Variants in PRR5L observed in about 807,000 individuals in gnomAD.
PRR5L encodes proline rich 5 like, also known as proline-rich protein 5-like.
A neutral mutation model predicts 36.4 loss-of-function variants in PRR5L; 21 were observed. The ratio of observed to expected loss-of-function variants is 0.58; its 90% CI spans 0.41 to 0.83. PRR5L has a LOEUF of 0.83. Ranked by LOEUF, PRR5L falls within the 40% of genes least tolerant of loss-of-function variation. The probability of loss-of-function intolerance (pLI) is 0.00; values close to 1 mark genes in which losing one functional copy is unlikely to be tolerated. For missense variants in PRR5L, 381 were observed against 473.3 expected, an observed-to-expected ratio of 0.80 and a Z score of 1.81; for synonymous variants, 188 against 197.0, an observed-to-expected ratio of 0.95 and a Z score of 0.38.
At chr11:36,381,264 G>T (rs1275624751) in intron 1 of PRR5L, among the ~76,000 whole-genome samples, 1 of 152,170 alleles carries the variant, frequency 6.6e-6, no homozygotes, top group Admixed American at 6.5e-5. Context: ...GACACAGGAT[G>T]TGTCCTGTAT....
intron 8 of PRR5L, among the ~76,000 whole-genome samples, chr11:36,455,959 T>G (rs1171994271): frequency 6.6e-6 from 1 of 152,144 alleles, no homozygotes; most frequent in Non-Finnish European, 1.5e-5. Context: ...ATGAAAACAT[T>G]CCACCCAGAA....
rs1386385193 is a variant in PRR5L at position 36,351,674 on chromosome 11, C to CTTATATATTTATATAT, written c.-125-49302_-125-49287dup. On this transcript the variant is annotated intron_variant, in intron 1 of 8. Transcript: ENST00000530639. ...ATTTATATAAATATATATTTATATA[C>CTTATATATTTATATAT]TTATATATTTATATATTTATATATT... Among the ~76,000 whole-genome samples the CTTATATATTTATATAT allele has an allele frequency of 2.6e-4, 6 of 23,016 alleles. 2 individuals carry two copies. Among genetic ancestry groups the CTTATATATTTATATAT allele is most frequent in the South Asian group, 2.3e-3 (1 of 426 alleles). The allele number at this position is 23,016 out of a possible 152,430, so 15.1% of individuals were successfully genotyped here.
chr11:36,392,879 T>A (rs892468169), intron 1 of PRR5L, among the ~76,000 whole-genome samples: 1 of 152,214 alleles, frequency 6.6e-6, no homozygotes, highest in African/African-American at 2.4e-5. Flanking sequence ...ACATGGGGAT[T>A]ATAATTCAAC....
intron 4 of PRR5L, among the ~76,000 whole-genome samples, chr11:36,424,953 T>C (rs1858349999): frequency 6.6e-6 from 1 of 152,070 alleles, no homozygotes; most frequent in African/African-American, 2.4e-5. Context: ...TCCTGAGTAG[T>C]TGGGATTACA....
At position 36,458,133 on chromosome 11, in the gene PRR5L, CTT is replaced by C. The variant is rs371773072; in HGVS notation, c.713-4208_713-4207del. Among the ~76,000 whole-genome samples the C allele has an allele frequency of 3.0e-4, 46 of 152,368 alleles. No individual in the cohort carries two copies. The East Asian group carries it at 7.9e-3, about 26-fold the overall frequency. ...TTGGTTGCTCCTTGGCGTTTTGTCTCTTATCTCCAAAGAGGGGCGCCAGTGTC... is the reference window on the plus strand; with the variant it reads ...TTGGTTGCTCCTTGGCGTTTTGTCTCATCTCCAAAGAGGGGCGCCAGTGTC... On this transcript the variant is annotated intron_variant, in intron 8 of 8. Transcript: ENST00000530639.
At chr11:36,348,328 T>C (rs189228321) in intron 1 of PRR5L, among the ~76,000 whole-genome samples, 1 of 152,212 alleles carries the variant, frequency 6.6e-6, no homozygotes, top group East Asian at 1.9e-4. Context: ...ATAAGGCAGA[T>C]GAGGTATGAA....
Position 36,413,700 on chromosome 11 carries a change from T to TTTTTA in PRR5L, c.246-5532_246-5528dup, listed in dbSNP as rs533226403. ...TATACTTTATTTTATTTATTTCTAT[T>TTTTTA]TTTTATTTTATTTTATTTTATTTTA... On this transcript the variant is annotated intron_variant, in intron 3 of 8. Coordinates refer to ENST00000530639, the MANE Select transcript of PRR5L (RefSeq NM_001160167.2). 6.7e-3 allele frequency among the ~76,000 whole-genome samples: 1,018 copies of TTTTTA among 150,928 alleles called. 9 individuals are homozygous for TTTTTA. The highest frequency in any genetic ancestry group is 0.021 in the African/African-American group (859 of 41,036).
At chr11:36,458,905 A>G (rs1451586668) in intron 8 of PRR5L, among the ~76,000 whole-genome samples, 1 of 152,176 alleles carries the variant, frequency 6.6e-6, no homozygotes, top group Non-Finnish European at 1.5e-5. Flanking sequence ...GGCAGAGGGA[A>G]CACCTTTCTC....
In PRR5L at chr11:36,322,883, C is replaced by T. The variant is rs373004646; in HGVS notation, c.-126+26445C>T. Among the ~76,000 whole-genome samples the T allele has an allele frequency of 1.7e-3, 256 of 152,148 alleles. 1 individual carries two copies. The highest frequency in any genetic ancestry group is 0.012 in the South Asian group (58 of 4,812). Reference sequence around the variant, plus strand: ...GCACAGGGACCGAGGAGGAAAATGTCGTGGGAGGTTGGAAGCAGAAACTCA... The same window carrying T: ...GCACAGGGACCGAGGAGGAAAATGTTGTGGGAGGTTGGAAGCAGAAACTCA... On this transcript the variant is annotated intron_variant, in intron 1 of 8. Transcript: ENST00000530639.
chr11:36,448,862 T>C (rs899149483), intron 7 of PRR5L, among the ~76,000 whole-genome samples: 2 of 150,398 alleles, frequency 1.3e-5, no homozygotes, highest in Non-Finnish European at 2.9e-5. Flanking sequence ...TTTCTCAAGG[T>C]CTTGTACTCA....
At chr11:36,345,126 C>T (rs946617844) in intron 1 of PRR5L, among the ~76,000 whole-genome samples, 1 of 151,926 alleles carries the variant, frequency 6.6e-6, no homozygotes, top group Non-Finnish European at 1.5e-5. Context: ...GGTGTTGGCC[C>T]GTGGGACTGA....
At position 36,358,258 on chromosome 11, in the gene PRR5L, G is replaced by A. The variant is rs539439081; in HGVS notation, c.-125-42739G>A. 2.6e-5 allele frequency among the ~76,000 whole-genome samples: 4 copies of A among 152,234 alleles called. No individual in the cohort carries two copies. In the South Asian group the frequency reaches 8.3e-4, roughly 32 times the overall value. On this transcript the variant is annotated intron_variant, in intron 1 of 8. Coordinates refer to ENST00000530639, the MANE Select transcript of PRR5L (RefSeq NM_001160167.2). ...GGTAAAATGCTATCAGCTATCTCTT[G>A]TGAAAGGAAGAGTTTTTTGTGAATG...
At chr11:36,348,116 G>A (rs1856885861) in intron 1 of PRR5L, among the ~76,000 whole-genome samples, 2 of 152,112 alleles carry the variant, frequency 1.3e-5, no homozygotes, top group African/African-American at 4.8e-5. Flanking sequence ...TATTGTGGTC[G>A]TTACTCTAAC....
intron 1 of PRR5L, among the ~76,000 whole-genome samples, chr11:36,397,123 A>T (rs1307273550): frequency 3.0e-4 from 44 of 144,848 alleles, no homozygotes; most frequent in African/African-American, 1.1e-3. Flanking sequence ...GCTGGAGTGC[A>T]GTGGCACGAT....
At chr11:36,425,001 T>C (rs557086939) in intron 4 of PRR5L, among the ~76,000 whole-genome samples, 1 of 152,334 alleles carries the variant, frequency 6.6e-6, no homozygotes, top group East Asian at 1.9e-4. Flanking sequence ...TTTGTAATTT[T>C]AGTAGAGACA....
intron 1 of PRR5L, among the ~76,000 whole-genome samples, chr11:36,310,338 GATCCT>G (rs1256126918): frequency 6.6e-6 from 1 of 152,112 alleles, no homozygotes; most frequent in Admixed American, 6.5e-5. Flanking sequence ...TCACTCCCCT[GATCCT>G]TAGGAGCTGT....
In PRR5L at chr11:36,377,751, T is replaced by C. The variant is rs1050638288; in HGVS notation, c.-125-23246T>C. ...TGAGTATTTATAGACGCCACGGCAG[T>C]CCTGCGGTGCGCAAGGTTTCAATTA... On this transcript the variant is annotated intron_variant, in intron 1 of 8. Coordinates refer to ENST00000530639, the MANE Select transcript of PRR5L (RefSeq NM_001160167.2). The surrounding 1 kb of genome is among the most constrained non-coding windows in gnomAD (Gnocchi z 5.1). 2 of 152,246 alleles carry C rather than the reference T, an allele frequency of 1.3e-5. No individual in the cohort carries two copies. The highest frequency in any genetic ancestry group is 2.9e-5 in the Non-Finnish European group (2 of 68,064). 9.4% of individuals were successfully genotyped at this position (152,246 alleles called of 1,614,324 possible). A position where few individuals can be genotyped will look rare whatever the true frequency, so the allele number is the denominator to read the frequency against.
In PRR5L at chr11:36,376,529, G is replaced by A. The variant is rs1270092324; in HGVS notation, c.-125-24468G>A. 7.8e-6 allele frequency: 8 copies of A among 1,029,278 alleles called. No individual in the cohort carries two copies. In the South Asian group the frequency reaches 2.3e-4, roughly 30 times the overall value. The allele number at this position is 1,029,278 out of a possible 1,614,324, so 63.8% of individuals were successfully genotyped here. The stretch of plus-strand genomic sequence containing the variant: ...CTGGGGGAGGAGGGAGGGACGGAGG[G>A]AGGGAGAGCTGGGCAGAGCGCGACG... On this transcript the variant is annotated intron_variant, in intron 1 of 8. Transcript: ENST00000530639.
chr11:36,376,414 G>T, intron 1 of PRR5L: 1 of 1,148,934 alleles, frequency 8.7e-7, no homozygotes, highest in South Asian at 1.7e-5. Flanking sequence ...CGTGTCACCA[G>T]CCCGGCTGTG....
Sources: gnomAD v4.1 joint callset for allele counts (sites outside exome capture counted in the v4.1 genomes callset) on GRCh38, gnomAD v4.1.1 for gene constraint, Gnocchi (gnomAD v3.1) non-coding constraint, MANE v1.5 for transcripts, NCBI Gene and HGNC (gene_info 2026-07-23, HGNC 2026-07-21) for gene names.